Variants in PDXDC1 observed in about 807,000 individuals in gnomAD.
PDXDC1 encodes the protein pyridoxal dependent decarboxylase domain containing 1.
Under a neutral mutation model 100.1 loss-of-function variants are expected in PDXDC1, and 42 were observed. The observed-to-expected ratio is 0.42, with a 90% CI of 0.33 to 0.54. The LOEUF (loss-of-function observed/expected upper bound fraction) is 0.54, where lower values mean the gene tolerates loss of function less well. Ranked by LOEUF, PDXDC1 falls within the 20% of genes least tolerant of loss-of-function variation. PDXDC1 has a pLI of 0.10. For synonymous variants in PDXDC1, 260 were observed against 371.7 expected, an observed-to-expected ratio of 0.70 and a Z score of 3.46; for missense variants, 636 against 979.2, an observed-to-expected ratio of 0.65 and a Z score of 4.68.
chr16:14,988,319 G>C (rs539950122), intron 1 of PDXDC1: 15 of 1,601,386 alleles, frequency 9.4e-6, no homozygotes, highest in Middle Eastern at 1.7e-4. Context: ...CACAGTACTC[G>C]TTGTAGATGA....
chr16:15,088,773 C>T (rs893336341), intron 16 of PDXDC1, among the ~76,000 whole-genome samples: 3 of 152,098 alleles, frequency 2.0e-5, no homozygotes, highest in African/African-American at 4.8e-5. Flanking sequence ...ACCAAGCCAA[C>T]AGATAATAAA....
intron 16 of PDXDC1, among the ~76,000 whole-genome samples, chr16:15,077,339 G>T (rs1258523105): frequency 6.6e-6 from 1 of 152,086 alleles, no homozygotes; most frequent in Non-Finnish European, 1.5e-5. Context: ...GGGGGGGACT[G>T]GTGGGAGATA....
At chr16:15,101,510 A>G (rs2151848304) in intron 16 of PDXDC1, among the ~76,000 whole-genome samples, 2 of 151,592 alleles carry the variant, frequency 1.3e-5, no homozygotes, top group Middle Eastern at 6.8e-3. Context: ...GTTAGTAGAG[A>G]TTTGTTTAAT....
At chr16:15,137,804 GA>G (rs1567325187) in intron 16 of PDXDC1, 2 of 1,583,312 alleles carry the variant, frequency 1.3e-6, no homozygotes, top group Non-Finnish European at 1.7e-6. Flanking sequence ...GCCAGCCAGG[GA>G]GTCAGGCCCA....
chr16:15,086,370 T>C (rs567466622), intron 16 of PDXDC1: 13 of 1,613,750 alleles, frequency 8.1e-6, no homozygotes, highest in Non-Finnish European at 1.1e-5. Context: ...CTTACTAATA[T>C]AATACTGATA....
chr16:15,029,413 C>A, intron 15 of PDXDC1: 1 of 402,536 alleles, frequency 2.5e-6, no homozygotes, highest in Non-Finnish European at 4.3e-6. Flanking sequence ...TGTGGGATGG[C>A]GGCAGCAGCA....
At chr16:15,056,456 C>A (rs912868514) in intron 16 of PDXDC1, among the ~76,000 whole-genome samples, 8 of 152,304 alleles carry the variant, frequency 5.3e-5, no homozygotes, top group South Asian at 4.1e-4. Flanking sequence ...TGTGCAGCTC[C>A]GTAGGATTGC....
intron 1 of PDXDC1, among the ~76,000 whole-genome samples, chr16:14,995,024 T>G (rs1263217972): frequency 2.0e-5 from 3 of 152,422 alleles, no homozygotes; most frequent in East Asian, 3.9e-4. Flanking sequence ...TGCCTATCAG[T>G]TTAAGGAGAT....
chr16:15,056,271 A>G (rs1284550622), intron 16 of PDXDC1, among the ~76,000 whole-genome samples: 1 of 152,226 alleles, frequency 6.6e-6, no homozygotes, highest in Non-Finnish European at 1.5e-5. Context: ...TAGTCCCAAA[A>G]GCGTGGGAGT....
intron 12 of PDXDC1, 40 bp from the exon 13 acceptor site, chr16:15,022,664 C>CCCAT (rs2042294969): frequency 1.3e-6 from 2 of 1,565,954 alleles, no homozygotes; most frequent in East Asian, 4.6e-5. Flanking sequence ...TCATGTCCCA[C>CCCAT]GTCCATCTAA....
intron 15 of PDXDC1, 115 bp from the exon 16 acceptor site, chr16:15,029,836 G>A: frequency 2.3e-6 from 2 of 853,770 alleles, no homozygotes; most frequent in Non-Finnish European, 3.7e-6. Flanking sequence ...AGTCAAAAGA[G>A]CAGGAATCAG....
rs372864023 is a variant in PDXDC1 at position 15,033,260 on chromosome 16, G to C, written c.1691-18G>C. 2 of 1,613,830 alleles carry C rather than the reference G, an allele frequency of 1.2e-6. No individual in the cohort carries two copies. Among genetic ancestry groups the C allele is most frequent in the African/African-American group, 1.3e-5 (1 of 74,938 alleles). Reference sequence around the variant, plus strand: ...ACAGAGGACTGAGAAACTCAAGTTTGTCTCGTTACCTTTGCAGGCCCTGAG... The same window carrying C: ...ACAGAGGACTGAGAAACTCAAGTTTCTCTCGTTACCTTTGCAGGCCCTGAG... On this transcript the variant is annotated intron_variant, in intron 18 of 22. Transcript: ENST00000396410.
intron 16 of PDXDC1, chr16:15,061,813 C>A (rs780378934): frequency 6.2e-6 from 10 of 1,614,150 alleles, no homozygotes; most frequent in Admixed American, 5.0e-5. Flanking sequence ...TTCGGAAATG[C>A]GTGTCAAAGG....
At chr16:15,094,424 G>C in intron 16 of PDXDC1, 1 of 617,118 alleles carries the variant, frequency 1.6e-6, no homozygotes, top group Non-Finnish European at 2.9e-6. Flanking sequence ...TGGAGGACTT[G>C]TTCCAGCCAG....
At chr16:15,044,352 G>C in intron 16 of PDXDC1, 1 of 1,612,156 alleles carries the variant, frequency 6.2e-7, no homozygotes, top group Non-Finnish European at 8.5e-7. Flanking sequence ...TGATGAGTGA[G>C]TTTTTGTGAC....
intron 16 of PDXDC1, among the ~76,000 whole-genome samples, chr16:15,080,261 C>T (rs1053052510): frequency 2.6e-5 from 4 of 152,226 alleles, no homozygotes; most frequent in Admixed American, 1.3e-4. Flanking sequence ...GTATTATGTT[C>T]GGTATAATCA....
intron 1 of PDXDC1, among the ~76,000 whole-genome samples, chr16:14,984,476 C>CATATATATATATATAT (rs749990542): frequency 7.8e-4 from 72 of 92,582 alleles, no homozygotes; most frequent in Admixed American, 1.1e-3. Flanking sequence ...TGTGTGTATA[C>CATATATATATATATAT]ATATATATAT....
intron 5 of PDXDC1, among the ~76,000 whole-genome samples, chr16:15,006,007 A>G (rs1974175039): frequency 6.6e-6 from 1 of 152,296 alleles, no homozygotes; most frequent in South Asian, 2.1e-4. Context: ...CATTTTTGAC[A>G]GTTTTATTTA....
intron 16 of PDXDC1, among the ~76,000 whole-genome samples, chr16:15,059,027 T>C (rs1250076376): frequency 6.6e-6 from 1 of 152,150 alleles, no homozygotes. Flanking sequence ...TGGTGGAGCT[T>C]TGGATGTTCA....
Sources: gnomAD v4.1 joint callset for allele counts (sites outside exome capture counted in the v4.1 genomes callset) on GRCh38, gnomAD v4.1.1 for gene constraint, MANE v1.5 for transcripts, NCBI Gene and HGNC (gene_info 2026-07-23, HGNC 2026-07-21) for gene names.